The following TRAIP variants were observed in gnomAD, a reference collection of about 807,000 sequenced individuals.
The protein encoded by TRAIP is E3 ubiquitin-protein ligase TRAIP.
TRAIP carries 37 observed loss-of-function variants against 65.0 expected under a neutral mutation model. The observed-to-expected ratio is 0.57, with a 90% confidence interval of 0.44 to 0.75. The LOEUF (loss-of-function observed/expected upper bound fraction) is 0.75, where lower values mean the gene tolerates loss of function less well. Ranked by LOEUF, TRAIP falls within the 30% of genes least tolerant of loss-of-function variation. TRAIP has a pLI of 0.00. For missense variants in TRAIP, 481 were observed against 579.4 expected (o/e 0.83, Z 1.74); for synonymous variants, 187 against 219.1 (o/e 0.85, Z 1.29).
intron 7 of TRAIP, 138 bp from the exon 8 acceptor site, chr3:49,841,210 G>A: frequency 1.4e-6 from 1 of 713,066 alleles, no homozygotes; most frequent in African/African-American, 1.8e-5. Flanking sequence ...AGCCCAACAA[G>A]TACCAGGTGG....
At chr3:49,836,560 G>A (rs781111891) in intron 10 of TRAIP, among the ~76,000 whole-genome samples, 3 of 151,292 alleles carry the variant, frequency 2.0e-5, no homozygotes, top group Non-Finnish European at 4.4e-5. Context: ...AAAGCAAAGC[G>A]GTGGCTCACG....
chr3:49,846,957 G>T (rs2081887958), intron 3 of TRAIP, among the ~76,000 whole-genome samples: 1 of 152,100 alleles, frequency 6.6e-6, no homozygotes, highest in Non-Finnish European at 1.5e-5. Context: ...GAGGTGGGTG[G>T]ATCACTTCAG....
chr3:49,837,644 C>T (rs537570517), intron 10 of TRAIP, among the ~76,000 whole-genome samples: 22 of 152,176 alleles, frequency 1.4e-4, no homozygotes, highest in South Asian at 2.1e-4. Context: ...TGCAGTGGCA[C>T]GATCTCGGCT....
intron 10 of TRAIP, among the ~76,000 whole-genome samples, chr3:49,837,572 T>G (rs535649659): frequency 3.8e-4 from 58 of 152,228 alleles, no homozygotes; most frequent in Non-Finnish European, 6.6e-4. Flanking sequence ...CAAACAGACC[T>G]GCCACCGTAA....
chr3:49,828,890 G>C lies in TRAIP; in HGVS notation c.*213C>G. On this transcript the variant is annotated 3_prime_UTR_variant, in exon 15 of 15. Transcript: ENST00000331456. ...GCAGGACCTGCTGACAGGATCAGTG[G>C]GCTGGTCATGTCAGCTCCCAGTCGT... is the stretch of plus-strand genomic sequence containing the variant. 1 of 594,942 alleles carries C rather than the reference G, an allele frequency of 1.7e-6. No homozygotes were observed. The allele number at this position is 594,942 out of a possible 1,614,324, so 36.9% of individuals were successfully genotyped here.
At chr3:49,837,214 AAAG>A (rs2081796932) in intron 10 of TRAIP, among the ~76,000 whole-genome samples, 2 of 152,278 alleles carry the variant, frequency 1.3e-5, no homozygotes, top group South Asian at 4.1e-4. Flanking sequence ...ATCAGAACAC[AAAG>A]AAGACAGGGC....
At chr3:49,847,676 A>G (rs2108319518) in intron 2 of TRAIP, 68 bp from the exon 3 acceptor site, 1 of 1,125,312 alleles carries the variant, frequency 8.9e-7, no homozygotes, top group South Asian at 1.4e-5. Context: ...AGAGTGTTGT[A>G]CATGGGTCTG....
At chr3:49,845,309 C>T (rs1328034667) in intron 3 of TRAIP, among the ~76,000 whole-genome samples, 1 of 152,200 alleles carries the variant, frequency 6.6e-6, no homozygotes, top group Non-Finnish European at 1.5e-5. Context: ...TCCCCATGAG[C>T]AAGAGAGGTG....
In TRAIP at chr3:49,829,100, T is replaced by C; in HGVS notation, c.*3A>G. On this transcript the variant is annotated 3_prime_UTR_variant, in exon 15 of 15. Transcript: ENST00000331456. ...GTCTGGCCATTGGTCAGACTCACTGTTCTCACGACCACAGGAAGGTGTCCA... is the reference window on the plus strand; with the variant it reads ...GTCTGGCCATTGGTCAGACTCACTGCTCTCACGACCACAGGAAGGTGTCCA... 6.2e-7 allele frequency: 1 copy of C among 1,614,198 alleles called. No individual in the cohort carries two copies. Among genetic ancestry groups the C allele is most frequent in the Non-Finnish European group, 8.5e-7 (1 of 1,180,032 alleles).
chr3:49,849,821 G>A (rs1410920690), intron 1 of TRAIP, among the ~76,000 whole-genome samples: 4 of 144,804 alleles, frequency 2.8e-5, no homozygotes, highest in Non-Finnish European at 6.0e-5. Flanking sequence ...ATTCCTATAA[G>A]TACATTTTCT....
chr3:49,829,885 T>A (rs2081717387), intron 12 of TRAIP, 119 bp from the exon 13 acceptor site: 2 of 1,581,218 alleles, frequency 1.3e-6, no homozygotes, highest in Admixed American at 1.7e-5. Context: ...GGAGGGATAA[T>A]GAGTAGAATC....
rs978896411 is a variant in TRAIP, at chr3:49,856,504, G to A, written c.-51C>T. The A allele has an allele frequency of 9.7e-6, 15 of 1,539,654 alleles. No homozygotes were observed. The African/African-American group carries it at 1.1e-4, about 11-fold the overall frequency. On this transcript the variant is annotated 5_prime_UTR_variant, in exon 1 of 15. Coordinates refer to ENST00000331456, the MANE Select transcript of TRAIP (RefSeq NM_005879.3). Reference sequence around the variant, plus strand: ...CAGCCAAAGAAACTGCTACAGGTCCGGCTTCGTAGACGCGCCCCCGCGCCT... The same window carrying A: ...CAGCCAAAGAAACTGCTACAGGTCCAGCTTCGTAGACGCGCCCCCGCGCCT...
chr3:49,855,436 G>A lies in TRAIP; in HGVS notation c.98+920C>T, dbSNP rs543778004. Among the ~76,000 whole-genome samples, 46 of 152,274 alleles carry A rather than the reference G, an allele frequency of 3.0e-4. 1 individual carries two copies. Among genetic ancestry groups the A allele is most frequent in the African/African-American group, 9.6e-4 (40 of 41,550 alleles). ...GCACTCCAGCCTACACGACAGGAGC[G>A]AGACTCCATCTCAAAAATAAAATAA... On this transcript the variant is annotated intron_variant, in intron 1 of 14. Transcript: ENST00000331456.
intron 10 of TRAIP, among the ~76,000 whole-genome samples, chr3:49,838,287 T>C (rs2108314061): frequency 6.6e-6 from 1 of 152,358 alleles, no homozygotes; most frequent in East Asian, 1.9e-4. Context: ...AAGTTTAGTG[T>C]CCTGCTGGCC....
At chr3:49,830,122 T>G in intron 11 of TRAIP, 54 bp from the exon 12 acceptor site, 2 of 1,591,764 alleles carry the variant, frequency 1.3e-6, no homozygotes, top group Non-Finnish European at 1.7e-6. Context: ...TGGGGGCAGG[T>G]GAACCAGGCT....
At chr3:49,842,684 C>A in intron 5 of TRAIP, 137 bp from the exon 6 acceptor site, 1 of 764,552 alleles carries the variant, frequency 1.3e-6, no homozygotes, top group East Asian at 2.8e-5. Flanking sequence ...TCCCAAACCC[C>A]AGGAGGTAAA....
rs747322515 is a variant in TRAIP at position 49,840,386 on chromosome 3, G to A, written c.706-13C>T. 14 of 1,612,244 alleles carry A rather than the reference G, an allele frequency of 8.7e-6. No homozygotes were observed. Among genetic ancestry groups the A allele is most frequent in the South Asian group, 3.3e-5 (3 of 91,062 alleles). On this transcript the variant is annotated splice_polypyrimidine_tract_variant and intron_variant, in intron 8 of 14. Coordinates refer to ENST00000331456, the MANE Select transcript of TRAIP (RefSeq NM_005879.3). ...AGACTGTCTGCAACTATAAGAAAGT[G>A]TAGGGAATGAAAGACAAGCCAAGTG...
intron 1 of TRAIP, among the ~76,000 whole-genome samples, chr3:49,850,432 G>A (rs2081920637): frequency 6.6e-6 from 1 of 151,502 alleles, no homozygotes; most frequent in African/African-American, 2.4e-5. Flanking sequence ...CTGGGAGGTG[G>A]AGGTTGCAGT....
At position 49,848,215 on chromosome 3, in the gene TRAIP, A is replaced by C. The variant is rs1482261349; in HGVS notation, c.99-15T>G. 2 of 1,614,024 alleles carry C rather than the reference A, an allele frequency of 1.2e-6. No homozygotes were observed. The highest frequency in any genetic ancestry group is 1.7e-5 in the Admixed American group (1 of 59,994). ...ACTGAATTAGGCTGGAATGAAAAGC[A>C]GAACAATAGACTGATGAGCCCTGGT... On this transcript the variant is annotated splice_polypyrimidine_tract_variant and intron_variant, in intron 1 of 14. Transcript: ENST00000331456.
Sources: allele counts gnomAD v4.1 joint callset (sites outside exome capture counted in the v4.1 genomes callset), GRCh38; gene constraint gnomAD v4.1.1; transcripts MANE v1.5; gene names NCBI Gene and HGNC (gene_info 2026-07-23, HGNC 2026-07-21).